Variants in PCDHGA2 observed in about 807,000 individuals in gnomAD.
PCDHGA2 encodes the protein protocadherin gamma subfamily A, 2.
Under a neutral mutation model 59.2 loss-of-function variants are expected in PCDHGA2, and 40 were observed. The observed-to-expected ratio is 0.68, with a 90% CI of 0.52 to 0.88. The LOEUF is 0.88. Among genes scored for constraint, PCDHGA2 ranks in the 40% least tolerant of loss-of-function variants. PCDHGA2 has a pLI of 0.00. For synonymous variants in PCDHGA2, 560 were observed against 526.0 expected (o/e 1.06, Z -0.89); for missense variants, 1,226 against 1,204.0 (o/e 1.02, Z -0.27).
In PCDHGA2 at chr5:141,423,972, T is replaced by C. The variant is rs1459859824; in HGVS notation, c.2425-70835T>C. ...TTTAGTATTATTTTTCTATTATCAG[T>C]GTATGAGGCTCTCAATTTATTATAT... On this transcript the variant is annotated intron_variant, in intron 1 of 3. Transcript: ENST00000394576. 4 of 1,128,544 alleles carry C rather than the reference T, an allele frequency of 3.5e-6. No homozygotes were observed. The East Asian group carries it at 1.9e-4, about 53-fold the overall frequency. The allele number at this position is 1,128,544 out of a possible 1,614,324, so 69.9% of individuals were successfully genotyped here.
intron 2 of PCDHGA2, among the ~76,000 whole-genome samples, chr5:141,499,689 CTTTTT>C (rs545067566): frequency 3.3e-5 from 4 of 119,852 alleles, no homozygotes; most frequent in Non-Finnish European, 3.5e-5. Flanking sequence ...TAACAGATGA[CTTTTT>C]TTTTTTTTTT....
rs372656276 is a variant in PCDHGA2, at chr5:141,415,107, A to G, written c.2424+73712A>G. ...TGCTGGACAGAGACGCGCTCAAGCA[A>G]AGCCTCGTAGTGGCCGTCCAGGACC... is the stretch of plus-strand genomic sequence containing the variant. On this transcript the variant is annotated intron_variant, in intron 1 of 3. Transcript: ENST00000394576. 1,052 of 1,613,570 alleles carry G rather than the reference A, an allele frequency of 6.5e-4. 7 individuals carry two copies. The African/African-American group carries it at 8.4e-3, about 13-fold the overall frequency.
chr5:141,492,206 G>A (rs1180294159), intron 1 of PCDHGA2, among the ~76,000 whole-genome samples: 2 of 152,204 alleles, frequency 1.3e-5, no homozygotes, highest in Non-Finnish European at 2.9e-5. Context: ...TTAGGTGTGC[G>A]CGCGGGGCTC....
chr5:141,343,482 A>C (rs779284836), intron 1 of PCDHGA2: 15 of 578,118 alleles, frequency 2.6e-5, no homozygotes, highest in Admixed American at 6.3e-5. Context: ...AGTGGTGGTC[A>C]TGTCTTTTAA....
chr5:141,469,505 G>T (rs2099202987), intron 1 of PCDHGA2, among the ~76,000 whole-genome samples: 1 of 152,138 alleles, frequency 6.6e-6, no homozygotes. Flanking sequence ...AACCCGGGAG[G>T]TGGAGGTTGC....
At chr5:141,408,901 G>T (rs529239605) in intron 1 of PCDHGA2, 2 of 1,613,100 alleles carry the variant, frequency 1.2e-6, no homozygotes, top group African/African-American at 2.7e-5. Flanking sequence ...TTTCTGTCAA[G>T]GATACCAATG....
In PCDHGA2 at chr5:141,431,887, T is replaced by C; in HGVS notation, c.2425-62920T>C. The C allele has an allele frequency of 1.2e-6, 2 of 1,614,190 alleles. No individual in the cohort carries two copies. The highest frequency in any genetic ancestry group is 1.7e-6 in the Non-Finnish European group (2 of 1,179,996). ...TTTTAAATGTAAATGACCAAGATTCTGAGGAAAACGGACAGGTGATCTGTT... is the reference window on the plus strand; with the variant it reads ...TTTTAAATGTAAATGACCAAGATTCCGAGGAAAACGGACAGGTGATCTGTT... On this transcript the variant is annotated intron_variant, in intron 1 of 3. Coordinates refer to ENST00000394576, the MANE Select transcript of PCDHGA2 (RefSeq NM_018915.4). The surrounding 1 kb of genome is among the most constrained non-coding windows in gnomAD (Gnocchi z 4.8).
chr5:141,354,116 A>G (rs1355865082), intron 1 of PCDHGA2, among the ~76,000 whole-genome samples: 1 of 152,258 alleles, frequency 6.6e-6, no homozygotes, highest in Non-Finnish European at 1.5e-5. Flanking sequence ...GAGCTAAAGT[A>G]AAGTTAGAAA....
In PCDHGA2 at chr5:141,462,600, A is replaced by G. The variant is rs2154567827; in HGVS notation, c.2425-32207A>G. ...ATCCAGTGAAGTTTCCATTTCATAT[A>G]TTGTATTTTTCACTTTTAGAAGTTC... is the stretch of plus-strand genomic sequence containing the variant. On this transcript the variant is annotated intron_variant, in intron 1 of 3. Coordinates refer to ENST00000394576, the MANE Select transcript of PCDHGA2 (RefSeq NM_018915.4). Among the ~76,000 whole-genome samples, 6 of 152,076 alleles carry G rather than the reference A, an allele frequency of 3.9e-5. No homozygotes were observed. In the Middle Eastern group the frequency reaches 0.014, roughly 345 times the overall value.
rs1756843663 is a variant in PCDHGA2, at chr5:141,339,495, A to G, written c.524A>G (p.Asn175Ser). The G allele has an allele frequency of 3.1e-6, 5 of 1,614,136 alleles. No individual in the cohort carries two copies. In the East Asian group the frequency reaches 6.7e-5, roughly 22 times the overall value. Residue 175 changes from asparagine (N) to serine (S), a missense_variant, in exon 1 of 4, where the codon AAT becomes AGT. Coordinates refer to ENST00000394576, the MANE Select transcript of PCDHGA2 (RefSeq NM_018915.4). ...CTTCAGAAGTACGCACTCAACCCAA[A>G]TGACCACTTCTCCCTGGACGTGCGA... is the stretch of plus-strand genomic sequence containing the variant. ...NALQKYALNP[N>S]DHFSLDVRRG...
intron 1 of PCDHGA2, chr5:141,422,581 G>C: frequency 6.2e-7 from 1 of 1,613,984 alleles, no homozygotes; most frequent in Non-Finnish European, 8.5e-7. Context: ...TAACCCTCCC[G>C]TTTTTCCTCA....
At chr5:141,365,471 G>C in intron 1 of PCDHGA2, 1 of 1,614,030 alleles carries the variant, frequency 6.2e-7, no homozygotes, top group South Asian at 1.1e-5. Flanking sequence ...AGAAAATGGT[G>C]AGATTGCATG....
chr5:141,423,435 G>A (rs2096740494), intron 1 of PCDHGA2: 1 of 1,613,892 alleles, frequency 6.2e-7, no homozygotes, highest in Admixed American at 1.7e-5. Context: ...TGGCAGGTAT[G>A]CCCACGTCAC....
intron 1 of PCDHGA2, chr5:141,398,411 T>C (rs1346480691): frequency 6.8e-7 from 1 of 1,478,640 alleles, no homozygotes; most frequent in South Asian, 1.1e-5. Context: ...AGGGAGGAGA[T>C]ATGCGGGAAG....
chr5:141,471,208 C>G (rs559571022), intron 1 of PCDHGA2: 1 of 151,664 alleles, frequency 6.6e-6, no homozygotes, highest in Non-Finnish European at 1.5e-5. Context: ...CACCCCCATG[C>G]CTGGCAATTT....
chr5:141,409,055 G>T (rs141881204), intron 1 of PCDHGA2: 10 of 1,614,038 alleles, frequency 6.2e-6, no homozygotes, highest in Non-Finnish European at 8.5e-6. Flanking sequence ...CCGAAGCACT[G>T]CCCAGAGCAC....
At chr5:141,409,529 G>T (rs2095278932) in intron 1 of PCDHGA2, 1 of 1,613,962 alleles carries the variant, frequency 6.2e-7, no homozygotes, top group Non-Finnish European at 8.5e-7. Flanking sequence ...CTTGTATGTC[G>T]CTGACATCAA....
In PCDHGA2 at chr5:141,487,406, C is replaced by T; in HGVS notation, c.2425-7401C>T. The T allele has an allele frequency of 6.2e-7, 1 of 1,614,200 alleles. No individual in the cohort carries two copies. The highest frequency in any genetic ancestry group is 8.5e-7 in the Non-Finnish European group (1 of 1,180,044). ...ATCTCGAAGGAGGGAGGGGCTTCCC[C>T]CTTCCAATGGGATCCTCCGAATCCA... On this transcript the variant is annotated intron_variant, in intron 1 of 3. Coordinates refer to ENST00000394576, the MANE Select transcript of PCDHGA2 (RefSeq NM_018915.4). The surrounding 1 kb of genome is among the most constrained non-coding windows in gnomAD (Gnocchi z 5.0).
intron 1 of PCDHGA2, among the ~76,000 whole-genome samples, chr5:141,387,512 T>G (rs1371060044): frequency 1.3e-5 from 2 of 152,256 alleles, no homozygotes; most frequent in South Asian, 4.1e-4. Flanking sequence ...TTAGACGTCA[T>G]TAAATATACA....
Sources: allele counts gnomAD v4.1 joint callset (sites outside exome capture counted in the v4.1 genomes callset), GRCh38; gene constraint gnomAD v4.1.1; non-coding constraint Gnocchi (gnomAD v3.1); transcripts MANE v1.5; gene names NCBI Gene and HGNC (gene_info 2026-07-23, HGNC 2026-07-21).